AGTPBP1: variants seen among roughly 807,000 people sequenced by gnomAD.
AGTPBP1 encodes the protein cytosolic carboxypeptidase 1.
AGTPBP1 carries 70 observed loss-of-function variants against 143.9 expected under a neutral mutation model. The ratio of observed to expected loss-of-function variants is 0.49; its 90% CI spans 0.40 to 0.59. AGTPBP1 has a LOEUF of 0.59. Ranked by LOEUF, AGTPBP1 falls within the 20% of genes least tolerant of loss-of-function variation. The pLI, the probability that AGTPBP1 is intolerant of heterozygous loss-of-function variation, is 0.00. For missense variants in AGTPBP1, 1,229 were observed against 1,464.5 expected, an observed-to-expected ratio of 0.84 and a Z score of 2.62; for synonymous variants, 463 against 500.2, an observed-to-expected ratio of 0.93 and a Z score of 0.99.
intron 11 of AGTPBP1, among the ~76,000 whole-genome samples, chr9:85,647,408 G>A (rs1243134302): frequency 1.3e-5 from 2 of 152,190 alleles, no homozygotes; most frequent in Non-Finnish European, 2.9e-5. Context: ...AGCTCATGAG[G>A]TTAAAGAGCA....
chr9:85,744,735 T>A (rs376311252), upstream of AGTPBP1, among the ~76,000 whole-genome samples: 657 of 152,316 alleles, frequency 4.3e-3, 4 homozygotes, highest in African/African-American at 0.015. Context: ...CTTAGTCCAC[T>A]GTAGGCATGT....
chr9:85,702,411 C>T (rs748652545), intron 2 of AGTPBP1, among the ~76,000 whole-genome samples: 3 of 152,166 alleles, frequency 2.0e-5, no homozygotes, highest in Non-Finnish European at 2.9e-5. Context: ...TACTTTCAAA[C>T]TGCTGCTAAT....
chr9:85,640,541 T>A (rs116110735), intron 13 of AGTPBP1, among the ~76,000 whole-genome samples: 2,578 of 152,334 alleles, frequency 0.017, 38 homozygotes, highest in African/African-American at 0.038. Flanking sequence ...TTCACTCAGA[T>A]CTGTCTTTAC....
intron 1 of AGTPBP1, among the ~76,000 whole-genome samples, chr9:85,715,951 T>C (rs73481006): frequency 0.025 from 3,795 of 152,304 alleles, 165 homozygotes; most frequent in African/African-American, 0.087. Flanking sequence ...TTCATCACCA[T>C]AAAATCATGA....
At chr9:85,622,637 AGTCT>A (rs1454205379) in intron 14 of AGTPBP1, among the ~76,000 whole-genome samples, 2 of 152,186 alleles carry the variant, frequency 1.3e-5, no homozygotes, top group African/African-American at 4.8e-5. Flanking sequence ...CTGACATAGT[AGTCT>A]ATCAGGAAAA....
chr9:85,702,166 C>T (rs1027335151), intron 2 of AGTPBP1, among the ~76,000 whole-genome samples: 4 of 152,184 alleles, frequency 2.6e-5, no homozygotes, highest in Non-Finnish European at 5.9e-5. Flanking sequence ...TGCACTCAAC[C>T]AAAAGTTTTC....
Position 85,627,441 on chromosome 9 carries a change from G to A in AGTPBP1, c.2015+5221C>T, listed in dbSNP as rs564321945. On this transcript the variant is annotated intron_variant, in intron 14 of 25. Coordinates refer to ENST00000357081, the MANE Select transcript of AGTPBP1 (RefSeq NM_001330701.2). ...TTCCAGTCTCACATTAGTGTTACTTGGAGGAACAAATAATTTTGAAGAGTT... is the reference window on the plus strand; with the variant it reads ...TTCCAGTCTCACATTAGTGTTACTTAGAGGAACAAATAATTTTGAAGAGTT... 6.4e-4 allele frequency among the ~76,000 whole-genome samples: 98 copies of A among 152,186 alleles called. 1 individual carries two copies. The highest frequency in any genetic ancestry group is 6.8e-3 in the Middle Eastern group (2 of 294).
intron 17 of AGTPBP1, among the ~76,000 whole-genome samples, chr9:85,598,926 T>G (rs933221323): frequency 2.0e-5 from 3 of 152,120 alleles, no homozygotes; most frequent in Admixed American, 1.3e-4. Context: ...TTCACCATGT[T>G]GCCATGGCTG....
At chr9:85,772,264 G>A in the AGTPBP1 span, among the ~76,000 whole-genome samples, 4 of 152,136 alleles carry the variant, frequency 2.6e-5, no homozygotes, top group East Asian at 3.9e-4. Flanking sequence ...GTGAGCCACC[G>A]TGCCTGGCCC....
At chr9:85,778,832 A>G in the AGTPBP1 span, among the ~76,000 whole-genome samples, 1 of 152,210 alleles carries the variant, frequency 6.6e-6, no homozygotes, top group Non-Finnish European at 1.5e-5. Context: ...CTGAGGAGCA[A>G]CCAACCAGCT....
intron 17 of AGTPBP1, among the ~76,000 whole-genome samples, chr9:85,604,888 A>C (rs1829896732): frequency 6.6e-6 from 1 of 152,214 alleles, no homozygotes; most frequent in African/African-American, 2.4e-5. Flanking sequence ...ATCAAGTAGA[A>C]GAAAGAATTA....
intron 25 of AGTPBP1, among the ~76,000 whole-genome samples, chr9:85,567,766 A>G (rs1368944284): frequency 6.6e-6 from 1 of 152,216 alleles, no homozygotes; most frequent in African/African-American, 2.4e-5. Flanking sequence ...AAAAGGAAAC[A>G]TGAAAAAGCA....
Position 85,699,996 on chromosome 9 carries a change from C to CTTTTAATG in AGTPBP1, c.33-7191_33-7184dup, listed in dbSNP as rs557041675. Among the ~76,000 whole-genome samples the CTTTTAATG allele has an allele frequency of 2.5e-4, 38 of 152,246 alleles. No individual in the cohort carries two copies. In the South Asian group the frequency reaches 7.5e-3, roughly 30 times the overall value. ...CAGTGTTTTACATTACTACAAAACT[C>CTTTTAATG]TTTTAATGTCTGGCTCAGTAGAAGA... On this transcript the variant is annotated intron_variant, in intron 2 of 25. Coordinates refer to ENST00000357081, the MANE Select transcript of AGTPBP1 (RefSeq NM_001330701.2).
chr9:85,790,816 A>T, the AGTPBP1 span, among the ~76,000 whole-genome samples: 1,117 of 152,314 alleles, frequency 7.3e-3, 8 homozygotes, highest in Middle Eastern at 0.014. Context: ...ACAATCTCAT[A>T]GTCTGTTATA....
chr9:85,753,629 G>A, the AGTPBP1 span, among the ~76,000 whole-genome samples: 19 of 152,078 alleles, frequency 1.2e-4, no homozygotes, highest in Non-Finnish European at 2.5e-4. Flanking sequence ...GCGGGTGCTT[G>A]TAATCCCAGC....
chr9:85,657,394 T>C (rs62569183), intron 10 of AGTPBP1, 41 bp downstream of exon 10: 30,702 of 1,502,488 alleles, frequency 0.02, 380 homozygotes, highest in Middle Eastern at 0.033. Flanking sequence ...CAAATCATAT[T>C]ATTAGTACAT....
chr9:85,626,163 T>A (rs1460170495), intron 14 of AGTPBP1, among the ~76,000 whole-genome samples: 1 of 152,186 alleles, frequency 6.6e-6, no homozygotes, highest in Non-Finnish European at 1.5e-5. Flanking sequence ...TGCAATACAA[T>A]TTTTTAAATG....
the AGTPBP1 span, among the ~76,000 whole-genome samples, chr9:85,794,261 T>C: frequency 6.6e-6 from 1 of 152,158 alleles, no homozygotes; most frequent in African/African-American, 2.4e-5. Context: ...CCAACCAGCT[T>C]TGATGGAAGG....
chr9:85,617,603 G>A (rs1830667062), intron 17 of AGTPBP1, among the ~76,000 whole-genome samples: 1 of 151,944 alleles, frequency 6.6e-6, no homozygotes, highest in Admixed American at 6.6e-5. Flanking sequence ...AGATTTTTGT[G>A]GGTACAACTC....
Sources: gnomAD v4.1 joint callset for allele counts (sites outside exome capture counted in the v4.1 genomes callset) on GRCh38, gnomAD v4.1.1 for gene constraint, MANE v1.5 for transcripts, NCBI Gene and HGNC (gene_info 2026-07-23, HGNC 2026-07-21) for gene names.